LRRC63: variants seen among roughly 807,000 people sequenced by gnomAD.
LRRC63 encodes leucine-rich repeat-containing protein 63.
In LRRC63, 40 loss-of-function variants were observed where a neutral mutation model predicts 49.5. The observed-to-expected ratio is 0.81, with a 90% CI of 0.63 to 1.05. The LOEUF (loss-of-function observed/expected upper bound fraction) is 1.05, where lower values mean the gene tolerates loss of function less well. Ranked by LOEUF, LRRC63 falls within the 50% of genes least tolerant of loss-of-function variation. The probability of loss-of-function intolerance (pLI) is 0.00; values close to 1 mark genes in which losing one functional copy is unlikely to be tolerated. For missense variants in LRRC63, 636 were observed against 663.1 expected, an observed-to-expected ratio of 0.96 and a Z score of 0.45; for synonymous variants, 191 against 221.1, an observed-to-expected ratio of 0.86 and a Z score of 1.21.
In LRRC63 at chr13:46,276,033, C is replaced by T. The variant is rs1277432243; in HGVS notation, c.1551-557C>T. Among the ~76,000 whole-genome samples the T allele has an allele frequency of 2.0e-5, 3 of 152,032 alleles. No individual in the cohort carries two copies. The East Asian group carries it at 5.8e-4, about 29-fold the overall frequency. ...TTACTAGGGAGATTGAAAAGCTTTA[C>T]CTGTGTTCTCTTGACATTCATTTTT... On this transcript the variant is annotated intron_variant, in intron 9 of 9. Coordinates refer to ENST00000595396, the Ensembl canonical transcript of LRRC63.
rs146697707 is a variant in LRRC63, at chr13:46,273,145, G to A, written c.1551-3445G>A. 2.2e-3 allele frequency among the ~76,000 whole-genome samples: 334 copies of A among 152,302 alleles called. 1 individual carries two copies. Among genetic ancestry groups the A allele is most frequent in the African/African-American group, 7.6e-3 (315 of 41,562 alleles). On this transcript the variant is annotated intron_variant, in intron 9 of 9. Coordinates refer to ENST00000595396, the Ensembl canonical transcript of LRRC63. ...ATAACAAATAGTTGGGGACATAGGG[G>A]AAAGATTCAGGGATGAAATAGTATT...
rs556892171 is a variant in LRRC63 at position 46,275,060 on chromosome 13, T to C, written c.1551-1530T>C. 2.6e-5 allele frequency among the ~76,000 whole-genome samples: 4 copies of C among 152,316 alleles called. No individual in the cohort carries two copies. In the East Asian group the frequency reaches 7.7e-4, roughly 29 times the overall value. On this transcript the variant is annotated intron_variant, in intron 9 of 9. Transcript: ENST00000595396. Reference sequence around the variant, plus strand: ...TACTTCCATGAGCTCAATTTGTTTTTAGTTTCCACATGAGTGCCGTTCTGT... The same window carrying C: ...TACTTCCATGAGCTCAATTTGTTTTCAGTTTCCACATGAGTGCCGTTCTGT...
chr13:46,242,231 G>A (rs1398571801), intron 5 of LRRC63, among the ~76,000 whole-genome samples: 6 of 152,082 alleles, frequency 3.9e-5, no homozygotes, highest in Non-Finnish European at 7.4e-5. Context: ...ACCAAATATT[G>A]TATGTTCTCA....
chr13:46,212,276 T>C lies in LRRC63; in HGVS notation c.-34+17T>C, dbSNP rs2046113382. On this transcript the variant is annotated intron_variant, in intron 1 of 9. Coordinates refer to ENST00000595396, the Ensembl canonical transcript of LRRC63. ...CTTTTGGCGGTAAACGGCCCATTTG[T>C]GCAGTTTCAGGGTGTTCCCTTCTAG... The C allele has an allele frequency of 6.6e-6, 1 of 152,230 alleles. No individual in the cohort carries two copies. Among genetic ancestry groups the C allele is most frequent in the African/African-American group, 2.4e-5 (1 of 41,434 alleles). The allele number at this position is 152,230 out of a possible 1,614,324, so 9.4% of individuals were successfully genotyped here.
At chr13:46,216,658 G>A (rs747367220) in intron 2 of LRRC63, among the ~76,000 whole-genome samples, 1 of 152,216 alleles carries the variant, frequency 6.6e-6, no homozygotes, top group Middle Eastern at 3.2e-3. Context: ...GGAGTGGTGA[G>A]AGAGGGCATC....
intron 8 of LRRC63, among the ~76,000 whole-genome samples, chr13:46,266,022 T>C (rs879558943): frequency 1.2e-4 from 18 of 152,220 alleles, no homozygotes; most frequent in Non-Finnish European, 2.5e-4. Context: ...CAGCAGTTTG[T>C]TTCCTAAAGT....
intron 5 of LRRC63, among the ~76,000 whole-genome samples, chr13:46,240,157 C>T (rs1329485428): frequency 1.4e-5 from 2 of 144,946 alleles, no homozygotes; most frequent in African/African-American, 2.5e-5. Flanking sequence ...GACGGAGTCT[C>T]GCTCTGTTGC....
intron 7 of LRRC63, among the ~76,000 whole-genome samples, chr13:46,258,530 C>T (rs1340949946): frequency 1.3e-5 from 2 of 150,990 alleles, no homozygotes; most frequent in Non-Finnish European, 3.0e-5. Flanking sequence ...TGTAAATTGG[C>T]TGGGCATGGT....
intron 5 of LRRC63, among the ~76,000 whole-genome samples, chr13:46,245,529 G>A (rs924741925): frequency 2.6e-5 from 4 of 152,096 alleles, no homozygotes; most frequent in African/African-American, 9.6e-5. Flanking sequence ...AAATAAAATA[G>A]TCACAATAAG....
chr13:46,256,807 C>T (rs141959647), intron 7 of LRRC63, among the ~76,000 whole-genome samples: 7 of 151,962 alleles, frequency 4.6e-5, no homozygotes. Context: ...GTTAACCTTT[C>T]GGGAAATTGA....
chr13:46,212,817 C>G (rs1407627506), intron 1 of LRRC63, among the ~76,000 whole-genome samples, 185 bp from the exon 2 acceptor site: 1 of 152,008 alleles, frequency 6.6e-6, no homozygotes. Context: ...TAACTGGATT[C>G]TTTCTATTAA....
chr13:46,215,128 A>G (rs2046211612), intron 2 of LRRC63, among the ~76,000 whole-genome samples: 1 of 152,254 alleles, frequency 6.6e-6, no homozygotes, highest in African/African-American at 2.4e-5. Flanking sequence ...GAATATACCC[A>G]GTAATGGGAT....
In LRRC63 at chr13:46,250,608, A is replaced by G. The variant is rs1346854118; in HGVS notation, c.1226+117A>G. 3 of 837,190 alleles carry G rather than the reference A, an allele frequency of 3.6e-6. No individual in the cohort carries two copies. The East Asian group carries it at 8.2e-5, about 23-fold the overall frequency. 51.9% of individuals were successfully genotyped at this position (837,190 alleles called of 1,614,324 possible). On this transcript the variant is annotated intron_variant, in intron 7 of 9. Coordinates refer to ENST00000595396, the Ensembl canonical transcript of LRRC63. The stretch of plus-strand genomic sequence containing the variant: ...TTGGCTATTTAGTAATTTGTATTCT[A>G]TTCTAATTAGCTAATACGCTTCTTC...
chr13:46,260,658 A>T (rs1231517685), intron 7 of LRRC63, among the ~76,000 whole-genome samples: 2 of 152,214 alleles, frequency 1.3e-5, no homozygotes. Context: ...TTGTTGGAAG[A>T]GATGACATCT....
chr13:46,229,558 C>A (rs34039230), intron 4 of LRRC63, among the ~76,000 whole-genome samples: 18,738 of 152,076 alleles, frequency 0.12, 1,493 homozygotes, highest in African/African-American at 0.22. Context: ...GACTTCAGAG[C>A]AGCCAATATA....
chr13:46,242,892 T>C (rs1171190184), intron 5 of LRRC63, among the ~76,000 whole-genome samples: 1 of 151,984 alleles, frequency 6.6e-6, no homozygotes, highest in African/African-American at 2.4e-5. Context: ...ACCAAACCTG[T>C]CCAAAAAAAT....
chr13:46,274,163 T>C (rs539485151), intron 9 of LRRC63, among the ~76,000 whole-genome samples: 7 of 152,016 alleles, frequency 4.6e-5, no homozygotes, highest in African/African-American at 1.4e-4. Flanking sequence ...AAGTAATAAG[T>C]ATGGGTATGA....
intron 3 of LRRC63, 43 bp from the exon 4 acceptor site, chr13:46,228,622 T>C (rs1197728614): frequency 1.7e-6 from 2 of 1,188,210 alleles, no homozygotes; most frequent in East Asian, 5.1e-5. Flanking sequence ...AGTGAATTTT[T>C]ACAAATATCC....
chr13:46,276,764 A>G, exon 10 of LRRC63: 1 of 1,221,336 alleles, frequency 8.2e-7, no homozygotes, highest in Non-Finnish European at 1.0e-6. Flanking sequence ...GTCCTAGTAG[A>G]AGAATAGCTC....
Sources: allele counts gnomAD v4.1 joint callset (sites outside exome capture counted in the v4.1 genomes callset), GRCh38; gene constraint gnomAD v4.1.1; transcripts MANE v1.5; gene names NCBI Gene and HGNC (gene_info 2026-07-23, HGNC 2026-07-21).